The following EXOSC10 variants were observed in gnomAD, a reference collection of about 807,000 sequenced individuals.
EXOSC10 encodes exosome component 10.
A neutral mutation model predicts 126.6 loss-of-function variants in EXOSC10; 94 were observed. The observed-to-expected ratio is 0.74, with a 90% CI of 0.63 to 0.88. The LOEUF is 0.88. Ranked by LOEUF, EXOSC10 falls within the 40% of genes least tolerant of loss-of-function variation. The pLI is 0.00. For synonymous variants in EXOSC10, 395 were observed against 400.8 expected, an observed-to-expected ratio of 0.99 and a Z score of 0.17; for missense variants, 1,041 against 1,100.5, an observed-to-expected ratio of 0.95 and a Z score of 0.77.
At position 11,070,968 on chromosome 1, in the gene EXOSC10, G is replaced by C; in HGVS notation, c.2248C>G (p.Arg750Gly). The C allele has an allele frequency of 2.5e-6, 4 of 1,613,676 alleles. No individual in the cohort carries two copies. Among genetic ancestry groups the C allele is most frequent in the Non-Finnish European group, 3.4e-6 (4 of 1,179,814 alleles). The change falls in exon 21 of 25, where the codon CGG becomes GGG. Residue 750 changes from arginine (R) to glycine (G), a missense_variant. This residue lies in a region of EXOSC10 where 388 missense variants were observed against 415.2 expected (regional missense o/e 0.93). Transcript: ENST00000376936. ...TTGCACGCCTCCTTTGCCTGTTCCC[G>C]GGCAGCTGCAAGGGAGAGAACTTGT... is the stretch of plus-strand genomic sequence containing the variant. The part of the protein sequence containing the change: ...KKKAAEQTAA[R>G]EQAKEACKAA...
chr1:11,080,483 C>A lies in EXOSC10; in HGVS notation c.1637+16G>T, dbSNP rs367934243. ...ACTGAGAAAGTCAGAACATATTAATCAGATTTGAAACTCACTTAGGCAGTT... is the reference window on the plus strand; with the variant it reads ...ACTGAGAAAGTCAGAACATATTAATAAGATTTGAAACTCACTTAGGCAGTT... On this transcript the variant is annotated intron_variant, in intron 13 of 24. Transcript: ENST00000376936. The A allele has an allele frequency of 5.6e-6, 9 of 1,612,528 alleles. No homozygotes were observed. Among genetic ancestry groups the A allele is most frequent in the Admixed American group, 5.0e-5 (3 of 59,786 alleles).
At chr1:11,086,631 A>G (rs1308680670) in intron 9 of EXOSC10, among the ~76,000 whole-genome samples, 1 of 152,212 alleles carries the variant, frequency 6.6e-6, no homozygotes, top group Non-Finnish European at 1.5e-5. Flanking sequence ...CTCAGACCAC[A>G]GTGCAATCAA....
At chr1:11,092,868 A>C (rs1640880413) in intron 3 of EXOSC10, among the ~76,000 whole-genome samples, 1 of 152,220 alleles carries the variant, frequency 6.6e-6, no homozygotes, top group African/African-American at 2.4e-5. Context: ...CTTGAATTAC[A>C]TGAGATGAAT....
In EXOSC10 at chr1:11,072,144, C is replaced by T. The variant is rs747004649; in HGVS notation, c.2185G>A (p.Val729Ile). 1 of 1,613,752 alleles carries T rather than the reference C, an allele frequency of 6.2e-7. No homozygotes were observed. Among genetic ancestry groups the T allele is most frequent in the Non-Finnish European group, 8.5e-7 (1 of 1,179,886 alleles). Residue 729 changes from valine (V) to isoleucine (I), a missense_variant, in exon 20 of 25, where the codon GTA becomes ATA. Val to Ile is a conservative substitution (Grantham distance 29). Transcript: ENST00000376936. ...TCTTTAGAGTCTTTTTGTACTTGTACCTGGGCCAGCTTCCAGCGGTTGCTG... is the reference window on the plus strand; with the variant it reads ...TCTTTAGAGTCTTTTTGTACTTGTATCTGGGCCAGCTTCCAGCGGTTGCTG... ...EISNRWKLAQ[V>I]QVQKDSKEAV... is the part of the protein sequence containing the mutation.
chr1:11,099,196 A>C (rs1253069622), intron 1 of EXOSC10, among the ~76,000 whole-genome samples: 1 of 152,378 alleles, frequency 6.6e-6, no homozygotes, highest in East Asian at 1.9e-4. Context: ...AAAGATCTTA[A>C]GTGAACGCCC....
chr1:11,097,219 CAA>C (rs768227312), intron 2 of EXOSC10, among the ~76,000 whole-genome samples: 9 of 131,378 alleles, frequency 6.9e-5, no homozygotes, highest in African/African-American at 8.4e-5. Flanking sequence ...TCCCCCCCAA[CAA>C]AAAAAAAAAA....
Position 11,095,874 on chromosome 1 carries a change from T to C in EXOSC10, c.256A>G (p.Arg86Gly). ...CGACACCCATGGTACTGCATTACTCTGCTCATGCTAAGGAAAGGAAAACCA... is the reference window on the plus strand; with the variant it reads ...CGACACCCATGGTACTGCATTACTCCGCTCATGCTAAGGAAAGGAAAACCA... ...QGDRLLQCMS[R>G]VMQYHGCRSN... The change falls in exon 3 of 25, where the codon AGA becomes GGA. Residue 86 changes from arginine (R) to glycine (G), a missense_variant. Around this residue, in one of 3 missense-constraint regions of EXOSC10, gnomAD observed 645 missense variants for 656.3 expected, o/e 0.98. Transcript: ENST00000376936. 2 of 1,611,988 alleles carry C rather than the reference T, an allele frequency of 1.2e-6. No individual in the cohort carries two copies. The highest frequency in any genetic ancestry group is 2.2e-5 in the East Asian group (1 of 44,834).
chr1:11,074,706 C>T (rs894337513), intron 17 of EXOSC10, among the ~76,000 whole-genome samples: 2 of 152,122 alleles, frequency 1.3e-5, no homozygotes, highest in Non-Finnish European at 2.9e-5. Context: ...AGCCACCGCA[C>T]GCACCCGGCC....
In EXOSC10 at chr1:11,090,697, C is replaced by T. The variant is rs113194852; in HGVS notation, c.644-29G>A. ...GGGATCCCAGCAGTGACAAAAACAT[C>T]ATTAGCACATTCATGTCTTTTCTAA... is the stretch of plus-strand genomic sequence containing the variant. On this transcript the variant is annotated intron_variant, in intron 5 of 24. Transcript: ENST00000376936. 13,257 of 1,480,434 alleles carry T rather than the reference C, an allele frequency of 9.0e-3. 94 individuals are homozygous for T. The highest frequency in any genetic ancestry group is 0.014 in the Middle Eastern group (83 of 5,754). The allele number at this position is 1,480,434 out of a possible 1,614,324, so 91.7% of individuals were successfully genotyped here. A position where few individuals can be genotyped will look rare whatever the true frequency, so the allele number is the denominator to read the frequency against.
rs1221679373 is a variant in EXOSC10, at chr1:11,081,184, T to C, written c.1335A>G (p.Leu445=). 2 of 1,614,140 alleles carry C rather than the reference T, an allele frequency of 1.2e-6. No individual in the cohort carries two copies. The highest frequency in any genetic ancestry group is 1.1e-5 in the South Asian group (1 of 91,080). The change falls in exon 11 of 25, where the codon CTA becomes CTG. Residue 445 remains leucine (L), a synonymous_variant. Coordinates refer to ENST00000376936, the MANE Select transcript of EXOSC10 (RefSeq NM_001001998.3). Reference sequence around the variant, plus strand: ...CCAGCCTCATTTTGTCATAGATATATAGCAGGTAATGGGTGTCATCCCGGG... The same window carrying C: ...CCAGCCTCATTTTGTCATAGATATACAGCAGGTAATGGGTGTCATCCCGGG... ...SYARDDTHYL[L]YIYDKMRLEM... is the part of the protein sequence containing the mutation.
chr1:11,093,843 G>A (rs1640923867), intron 3 of EXOSC10, among the ~76,000 whole-genome samples: 1 of 151,948 alleles, frequency 6.6e-6, no homozygotes, highest in South Asian at 2.1e-4. Context: ...AGGTGGGGGG[G>A]GATTGTTTGA....
intron 21 of EXOSC10, chr1:11,070,569 A>G: frequency 5.0e-6 from 1 of 199,022 alleles, no homozygotes; most frequent in Non-Finnish European, 1.0e-5. Context: ...CTGGGGTTTC[A>G]TTCTCTAGAA....
chr1:11,087,739 C>T, intron 8 of EXOSC10, 61 bp downstream of exon 8: 1 of 1,493,100 alleles, frequency 6.7e-7, no homozygotes, highest in African/African-American at 1.4e-5. Context: ...TTTTATACTT[C>T]TCCAACAGGT....
At chr1:11,068,540 A>C (rs1242594101) in intron 23 of EXOSC10, 105 bp downstream of exon 23, 1 of 857,078 alleles carries the variant, frequency 1.2e-6, no homozygotes, top group Non-Finnish European at 2.0e-6. Flanking sequence ...GAGGAAAAAG[A>C]TATGCAAAGG....
chr1:11,087,359 G>T, intron 9 of EXOSC10, 89 bp downstream of exon 9: 1 of 1,485,466 alleles, frequency 6.7e-7, no homozygotes, highest in Non-Finnish European at 9.3e-7. Context: ...AACTTGACTG[G>T]TCTAGGTTGA....
At chr1:11,097,946 T>G in intron 2 of EXOSC10, 74 bp downstream of exon 2, 2 of 1,374,340 alleles carry the variant, frequency 1.5e-6, no homozygotes, top group Non-Finnish European at 1.9e-6. Flanking sequence ...AAAAATAAAT[T>G]TCAGGAAAAA....
chr1:11,079,937 G>C (rs1440358800), intron 13 of EXOSC10, 115 bp from the exon 14 acceptor site: 1 of 803,192 alleles, frequency 1.2e-6, no homozygotes, highest in Admixed American at 2.3e-5. Flanking sequence ...TGAAGCTACA[G>C]GTAGGTGACT....
chr1:11,099,636 G>A lies in EXOSC10; in HGVS notation c.111+85C>T. The A allele has an allele frequency of 5.8e-6, 8 of 1,384,840 alleles. No homozygotes were observed. In the South Asian group the frequency reaches 1.0e-4, roughly 18 times the overall value. The allele number at this position is 1,384,840 out of a possible 1,614,324, so 85.8% of individuals were successfully genotyped here. ...CCCTCGCTCGGGCTCCACTACGGCG[G>A]GCGGGCATTGGCTGCCCAGAGGGCC... On this transcript the variant is annotated intron_variant, in intron 1 of 24. Coordinates refer to ENST00000376936, the MANE Select transcript of EXOSC10 (RefSeq NM_001001998.3).
At chr1:11,073,715 C>G (rs1488863318) in intron 19 of EXOSC10, among the ~76,000 whole-genome samples, 1 of 151,492 alleles carries the variant, frequency 6.6e-6, no homozygotes, top group Non-Finnish European at 1.5e-5. Flanking sequence ...CATGGTGAAA[C>G]CCCATCTCTA....
Sources: gnomAD v4.1 joint callset for allele counts (sites outside exome capture counted in the v4.1 genomes callset) on GRCh38, gnomAD v4.1.1 for gene constraint, gnomAD v4.1.1 regional missense constraint, MANE v1.5 for transcripts, NCBI Gene and HGNC (gene_info 2026-07-23, HGNC 2026-07-21) for gene names.